The following E2F5 variants were observed in gnomAD, a reference collection of about 807,000 sequenced individuals.
E2F5 encodes E2F transcription factor 5, also known as transcription factor E2F5.
E2F5 carries 23 observed loss-of-function variants against 39.1 expected under a neutral mutation model. That is an observed-to-expected ratio of 0.59 (90% CI 0.42 to 0.83). The LOEUF is 0.83. Ranked by LOEUF, E2F5 falls within the 40% of genes least tolerant of loss-of-function variation. The pLI is 0.00. For synonymous variants in E2F5, 145 were observed against 157.8 expected, an observed-to-expected ratio of 0.92 and a Z score of 0.61; for missense variants, 365 against 406.7, an observed-to-expected ratio of 0.90 and a Z score of 0.88.
At position 85,209,178 on chromosome 8, in the gene E2F5, A is replaced by C; in HGVS notation, c.652A>C (p.Lys218Gln). The change falls in exon 6 of 8, where the codon AAG becomes CAG. Residue 218 changes from lysine (K) to glutamine (Q), a missense_variant. Physicochemically the swap from Lys to Gln is moderately conservative, Grantham distance 53 (BLOSUM62 1). Transcript: ENST00000416274. ...NGQKKYQINL[K>Q]SHSGPIHVLL... Reference sequence around the variant, plus strand: ...ACAAAAGAAATACCAGATCAATCTAAAGAGTCATTCAGGACCTATCCATGT... The same window carrying C: ...ACAAAAGAAATACCAGATCAATCTACAGAGTCATTCAGGACCTATCCATGT... 1 of 1,614,022 alleles carries C rather than the reference A, an allele frequency of 6.2e-7. No individual in the cohort carries two copies. The highest frequency in any genetic ancestry group is 8.5e-7 in the Non-Finnish European group (1 of 1,179,896).
At chr8:85,181,358 TCTCA>T (rs1812208581) in intron 1 of E2F5, among the ~76,000 whole-genome samples, 2 of 151,632 alleles carry the variant, frequency 1.3e-5, no homozygotes, top group East Asian at 2.0e-4. Flanking sequence ...GAGACGGGAG[TCTCA>T]CTCTGTCACC....
At chr8:85,188,617 C>T (rs1812394941) in intron 1 of E2F5, among the ~76,000 whole-genome samples, 1 of 152,166 alleles carries the variant, frequency 6.6e-6, no homozygotes, top group Non-Finnish European at 1.5e-5. Context: ...GAGCCCTGGA[C>T]TGCTGACATC....
At chr8:85,185,689 G>C (rs1048375217) in intron 1 of E2F5, among the ~76,000 whole-genome samples, 1 of 152,164 alleles carries the variant, frequency 6.6e-6, no homozygotes, top group Non-Finnish European at 1.5e-5. Context: ...CCATCAAAAA[G>C]TGGGCAAAGG....
At chr8:85,202,672 T>A (rs1468769844) in intron 2 of E2F5, among the ~76,000 whole-genome samples, 1 of 152,212 alleles carries the variant, frequency 6.6e-6, no homozygotes, top group Non-Finnish European at 1.5e-5. Flanking sequence ...ATTTCTGTTC[T>A]TCTAATGTGT....
At chr8:85,206,930 T>A (rs943775938) in intron 4 of E2F5, among the ~76,000 whole-genome samples, 2 of 152,198 alleles carry the variant, frequency 1.3e-5, no homozygotes, top group African/African-American at 4.8e-5. Context: ...ATTGTTCTAT[T>A]TTACCACTGT....
At chr8:85,210,675 TAA>T (rs78651124) in intron 6 of E2F5, among the ~76,000 whole-genome samples, 22 of 131,488 alleles carry the variant, frequency 1.7e-4, no homozygotes, top group Admixed American at 2.3e-4. Flanking sequence ...GACTCCATCT[TAA>T]AAAAAAAAAA....
rs4150939 is a variant in E2F5 at position 85,202,719 on chromosome 8, G to T, written c.345-375G>T. 3.3e-5 allele frequency among the ~76,000 whole-genome samples: 5 copies of T among 151,880 alleles called. No individual in the cohort carries two copies. The South Asian group carries it at 8.3e-4, about 25-fold the overall frequency. ...ATAGTTTTTGTCTTGTTTTGTTTTC[G>T]CCAAAATTCCACCAAAACATTAAAA... On this transcript the variant is annotated intron_variant, in intron 2 of 7. Transcript: ENST00000416274.
At chr8:85,211,827 G>A (rs1420459998) in intron 6 of E2F5, among the ~76,000 whole-genome samples, 1 of 151,614 alleles carries the variant, frequency 6.6e-6, no homozygotes, top group African/African-American at 2.4e-5. Context: ...TTTTTGTAAA[G>A]ACGGATTTCA....
intron 4 of E2F5, among the ~76,000 whole-genome samples, chr8:85,206,833 C>T (rs1812811402): frequency 6.6e-6 from 1 of 151,874 alleles, no homozygotes; most frequent in African/African-American, 2.4e-5. Flanking sequence ...GTGTATTATC[C>T]ACCTATTTAA....
intron 1 of E2F5, among the ~76,000 whole-genome samples, chr8:85,187,531 T>C (rs1812369234): frequency 6.6e-6 from 1 of 152,174 alleles, no homozygotes; most frequent in Non-Finnish European, 1.5e-5. Context: ...GACCCTTTTA[T>C]TATTATATAG....
At chr8:85,185,343 A>G (rs1229050645) in intron 1 of E2F5, among the ~76,000 whole-genome samples, 1 of 152,146 alleles carries the variant, frequency 6.6e-6, no homozygotes, top group African/African-American at 2.4e-5. Flanking sequence ...CCTTCCTTAC[A>G]CCTTATACAA....
chr8:85,199,525 G>A (rs1436603102), intron 1 of E2F5, among the ~76,000 whole-genome samples: 2 of 129,620 alleles, frequency 1.5e-5, no homozygotes, highest in Non-Finnish European at 3.4e-5. Flanking sequence ...TAAATGAATG[G>A]AGGAAGGTAG....
chr8:85,196,451 T>C (rs1389818418), intron 1 of E2F5, among the ~76,000 whole-genome samples: 1 of 152,220 alleles, frequency 6.6e-6, no homozygotes, highest in Non-Finnish European at 1.5e-5. Flanking sequence ...TTTTCAATAA[T>C]AAGTGGAAAT....
intron 1 of E2F5, among the ~76,000 whole-genome samples, chr8:85,188,870 G>GTAA (rs2136045006): frequency 6.6e-6 from 1 of 152,226 alleles, no homozygotes; most frequent in Admixed American, 6.5e-5. Context: ...GGATGACGGG[G>GTAA]TAATATAAAA....
intron 6 of E2F5, among the ~76,000 whole-genome samples, chr8:85,210,554 A>G (rs1026102482): frequency 4.6e-5 from 7 of 151,804 alleles, no homozygotes; most frequent in African/African-American, 9.7e-5. Flanking sequence ...GGCGGCGCAC[A>G]CCTGTAGTCC....
intron 1 of E2F5, among the ~76,000 whole-genome samples, chr8:85,188,061 A>G (rs1812379535): frequency 6.6e-6 from 1 of 152,208 alleles, no homozygotes; most frequent in South Asian, 2.1e-4. Flanking sequence ...ACAAGCCTCT[A>G]TGCTTTTATT....
At chr8:85,207,278 C>A in intron 4 of E2F5, 147 bp from the exon 5 acceptor site, 1 of 598,348 alleles carries the variant, frequency 1.7e-6, no homozygotes, top group Non-Finnish European at 2.9e-6. Context: ...GTTGTGTATC[C>A]CCCATTTTAT....
intron 1 of E2F5, among the ~76,000 whole-genome samples, chr8:85,188,463 T>G (rs1203861811): frequency 6.6e-6 from 1 of 152,250 alleles, no homozygotes; most frequent in South Asian, 2.1e-4. Context: ...TTTGTGGGGT[T>G]TGGTATTCTT....
At position 85,213,770 on chromosome 8, in the gene E2F5, C is replaced by T; in HGVS notation, c.949C>T (p.Leu317Phe). 1 of 1,612,076 alleles carries T rather than the reference C, an allele frequency of 6.2e-7. No individual in the cohort carries two copies. Among genetic ancestry groups the T allele is most frequent in the South Asian group, 1.1e-5 (1 of 90,918 alleles). The change falls in exon 8 of 8, where the codon CTT becomes TTT. Residue 317 changes from leucine to phenylalanine, a missense_variant. By Grantham distance (22) the Leu-to-Phe change is conservative (BLOSUM62 0). Transcript: ENST00000416274. The part of the protein sequence containing the change: ...MSSDVFPLLR[L>F]SPTPADDYNF... ...GTTCGCAGTGTTTCCTCTCTTAAGG[C>T]TTTCTCCTACCCCGGCAGATGACTA...
Sources: gnomAD v4.1 joint callset for allele counts (sites outside exome capture counted in the v4.1 genomes callset) on GRCh38, gnomAD v4.1.1 for gene constraint, MANE v1.5 for transcripts, NCBI Gene and HGNC (gene_info 2026-07-23, HGNC 2026-07-21) for gene names.